TTLL11: variants seen among roughly 807,000 people sequenced by gnomAD.
TTLL11 encodes tubulin tyrosine ligase like 11.
A neutral mutation model predicts 51.7 loss-of-function variants in TTLL11; 42 were observed. That is an observed-to-expected ratio of 0.81 (90% CI 0.64 to 1.05). The LOEUF is 1.05. Among genes scored for constraint, TTLL11 ranks in the 50% least tolerant of loss-of-function variants. TTLL11 has a pLI of 0.00. For missense variants in TTLL11, 799 were observed against 940.4 expected (o/e 0.85, Z 1.97); for synonymous variants, 381 against 383.5 (o/e 0.99, Z 0.08).
intron 3 of TTLL11, among the ~76,000 whole-genome samples, chr9:122,014,661 G>A (rs1843912417): frequency 1.3e-5 from 2 of 152,110 alleles, no homozygotes; most frequent in Non-Finnish European, 2.9e-5. Flanking sequence ...GTAAATATTT[G>A]TTCACACTAA....
At chr9:121,938,463 TTA>T (rs1841316863) in intron 6 of TTLL11, among the ~76,000 whole-genome samples, 1 of 152,082 alleles carries the variant, frequency 6.6e-6, no homozygotes, top group African/African-American at 2.4e-5. Context: ...AAACTTCTAT[TTA>T]TCAAAAGGCA....
At chr9:121,949,937 A>G (rs1422223662) in intron 6 of TTLL11, among the ~76,000 whole-genome samples, 2 of 151,912 alleles carry the variant, frequency 1.3e-5, no homozygotes, top group Non-Finnish European at 2.9e-5. Flanking sequence ...CTGTTCTGAC[A>G]CAACTACTAA....
chr9:122,025,370 C>T (rs562755355), intron 3 of TTLL11, among the ~76,000 whole-genome samples: 13 of 152,310 alleles, frequency 8.5e-5, no homozygotes, highest in Admixed American at 2.6e-4. Context: ...CAGTGGCTCA[C>T]GCCTGTAATC....
chr9:122,012,381 AG>A (rs1843821359), intron 3 of TTLL11, among the ~76,000 whole-genome samples: 1 of 152,246 alleles, frequency 6.6e-6, no homozygotes, highest in African/African-American at 2.4e-5. Flanking sequence ...AGACTGTCCC[AG>A]AAAAATGTTT....
At chr9:121,901,987 T>C (rs955093080) in intron 6 of TTLL11, among the ~76,000 whole-genome samples, 7 of 152,140 alleles carry the variant, frequency 4.6e-5, no homozygotes, top group African/African-American at 1.7e-4. Flanking sequence ...CAGCATGTAC[T>C]GGGGAGTTTC....
At chr9:121,903,029 C>T (rs1839825103) in intron 6 of TTLL11, among the ~76,000 whole-genome samples, 1 of 152,098 alleles carries the variant, frequency 6.6e-6, no homozygotes, top group Admixed American at 6.5e-5. Context: ...CTACTGTAAC[C>T]ACATTTCCTT....
chr9:122,030,776 C>CAAAAAAAAAAAA (rs35456581), intron 3 of TTLL11, among the ~76,000 whole-genome samples: 6 of 69,322 alleles, frequency 8.7e-5, no homozygotes, highest in African/African-American at 1.5e-4. Flanking sequence ...ACAAAAAATA[C>CAAAAAAAAAAAA]AAAAAAAAAA....
At chr9:121,956,197 T>C (rs1248112139) in intron 6 of TTLL11, among the ~76,000 whole-genome samples, 5 of 152,018 alleles carry the variant, frequency 3.3e-5, no homozygotes, top group Non-Finnish European at 5.9e-5. Flanking sequence ...TGAGACCAAA[T>C]TGAAAATGCA....
chr9:121,871,350 C>T (rs528151596), intron 6 of TTLL11, among the ~76,000 whole-genome samples: 3 of 152,092 alleles, frequency 2.0e-5, no homozygotes, highest in Non-Finnish European at 4.4e-5. Flanking sequence ...TAAATATCCA[C>T]CTCTAGCACA....
At chr9:122,080,741 A>C (rs1291547588) in intron 1 of TTLL11, among the ~76,000 whole-genome samples, 1 of 152,146 alleles carries the variant, frequency 6.6e-6, no homozygotes, top group Admixed American at 6.6e-5. Flanking sequence ...ATAGGAAGGA[A>C]GCACATTCCT....
In TTLL11 at chr9:121,902,558, C is replaced by T. The variant is rs113046953; in HGVS notation, c.1482-31810G>A. On this transcript the variant is annotated intron_variant, in intron 6 of 8. Coordinates refer to ENST00000321582, the MANE Select transcript of TTLL11 (RefSeq NM_001139442.2). ...TTAATTGTGTGCAGCTGGGTTTATG[C>T]TTGATCTGTTTAGCCTGGAGTTTCT... Among the ~76,000 whole-genome samples the T allele has an allele frequency of 2.0e-4, 30 of 151,646 alleles. 1 individual carries two copies. Among genetic ancestry groups the T allele is most frequent in the African/African-American group, 7.3e-4 (30 of 41,374 alleles).
intron 6 of TTLL11, among the ~76,000 whole-genome samples, chr9:121,945,099 C>T (rs1841616322): frequency 6.6e-6 from 1 of 152,168 alleles, no homozygotes; most frequent in African/African-American, 2.4e-5. Flanking sequence ...CTGGTGCTCC[C>T]TAAGCGCTGA....
intron 4 of TTLL11, among the ~76,000 whole-genome samples, chr9:121,979,546 A>C (rs1019356926): frequency 3.3e-5 from 5 of 152,022 alleles, no homozygotes; most frequent in African/African-American, 1.2e-4. Context: ...CATCCCTTAC[A>C]ACCAGGTGGC....
At chr9:121,895,152 T>C (rs187268095) in intron 6 of TTLL11, among the ~76,000 whole-genome samples, 5 of 152,344 alleles carry the variant, frequency 3.3e-5, no homozygotes, top group Admixed American at 6.5e-5. Context: ...GCTTCCACAC[T>C]TCACTCCCTA....
intron 1 of TTLL11, 59 bp from the exon 2 acceptor site, chr9:122,039,427 T>C: frequency 2.9e-6 from 4 of 1,359,204 alleles, no homozygotes; most frequent in South Asian, 1.2e-5. Flanking sequence ...CCACACTGAG[T>C]ATCCATTATG....
rs1836486354 is a variant in TTLL11 at position 121,818,816 on chromosome 9, G to T, written c.*3771C>A. The T allele has an allele frequency of 6.6e-6, 1 of 152,560 alleles. No homozygotes were observed. Among genetic ancestry groups the T allele is most frequent in the Non-Finnish European group, 1.5e-5 (1 of 68,344 alleles). The allele number at this position is 152,560 out of a possible 1,614,324, so 9.5% of individuals were successfully genotyped here. A position where few individuals can be genotyped will look rare whatever the true frequency, so the allele number is the denominator to read the frequency against. On this transcript the variant is annotated 3_prime_UTR_variant, in exon 9 of 9. Coordinates refer to ENST00000321582, the MANE Select transcript of TTLL11 (RefSeq NM_001139442.2). ...AGGGGTCGGACAGGGGCTCAGGGAG[G>T]CTGCAGAGCCTGGTCCTGAGGTGCA...
chr9:121,953,971 T>C (rs1841939565), intron 6 of TTLL11, among the ~76,000 whole-genome samples: 1 of 152,172 alleles, frequency 6.6e-6, no homozygotes, highest in South Asian at 2.1e-4. Context: ...ATGTCCTCAG[T>C]AGTCAAGCCC....
Position 121,840,324 on chromosome 9 carries a change from G to A in TTLL11, c.1841-17445C>T, listed in dbSNP as rs962350361. Among the ~76,000 whole-genome samples, 8 of 152,308 alleles carry A rather than the reference G, an allele frequency of 5.3e-5. No homozygotes were observed. In the South Asian group the frequency reaches 1.2e-3, roughly 24 times the overall value. ...GGATGCATGGAACACAGTGCGCTGC[G>A]ATGTGACAGCTGGCTACCGATGGAT... On this transcript the variant is annotated intron_variant, in intron 8 of 8. Coordinates refer to ENST00000321582, the MANE Select transcript of TTLL11 (RefSeq NM_001139442.2).
rs377159400 is a variant in TTLL11, at chr9:121,928,675, A to G, written c.1481+45334T>C. Among the ~76,000 whole-genome samples, 4 of 151,926 alleles carry G rather than the reference A, an allele frequency of 2.6e-5. No homozygotes were observed. In the East Asian group the frequency reaches 7.7e-4, roughly 29 times the overall value. On this transcript the variant is annotated intron_variant, in intron 6 of 8. Coordinates refer to ENST00000321582, the MANE Select transcript of TTLL11 (RefSeq NM_001139442.2). Reference sequence around the variant, plus strand: ...AGGATGTTCTTGATTTCCTGACCTCATGGTCTGCCCACCTCAGCCTCCCAA... The same window carrying G: ...AGGATGTTCTTGATTTCCTGACCTCGTGGTCTGCCCACCTCAGCCTCCCAA...
Sources: gnomAD v4.1 joint callset for allele counts (sites outside exome capture counted in the v4.1 genomes callset) on GRCh38, gnomAD v4.1.1 for gene constraint, MANE v1.5 for transcripts, NCBI Gene and HGNC (gene_info 2026-07-23, HGNC 2026-07-21) for gene names.